Variants in ART3 observed in about 807,000 individuals in gnomAD.
The protein encoded by ART3 is ADP-ribosyltransferase 3 (inactive).
In ART3, 49 loss-of-function variants were observed where a neutral mutation model predicts 48.5. That is an observed-to-expected ratio of 1.01 (90% CI 0.80 to 1.28). The LOEUF (loss-of-function observed/expected upper bound fraction) is 1.28, where lower values mean the gene tolerates loss of function less well. ART3 is among the 50% of genes most tolerant of loss of function. ART3 has a pLI of 0.00. For synonymous variants in ART3, 145 were observed against 157.2 expected (o/e 0.92, Z 0.58); for missense variants, 438 against 454.3 (o/e 0.96, Z 0.33).
rs757129790 is a variant in ART3 at position 76,082,470 on chromosome 4, G to C, written c.716G>C (p.Gly239Ala). The C allele has an allele frequency of 1.2e-6, 2 of 1,612,280 alleles. No homozygotes were observed. The highest frequency in any genetic ancestry group is 8.5e-7 in the Non-Finnish European group (1 of 1,179,514). Residue 239 changes from glycine to alanine, a missense_variant, in exon 3 of 12, where the codon GGC (glycine) becomes GCC (alanine). Gly to Ala is a moderately conservative substitution (Grantham distance 60). Transcript: ENST00000355810. Reference protein sequence around the residue: ...EVFQVSQEGAGNNLILQSINK... With the variant: ...EVFQVSQEGAANNLILQSINK... ...TTTCAAGTGTCACAGGAGGGGGCTG[G>C]CAATAACCTTATCCTTCAAAGCATA...
chr4:76,031,703 G>A (rs1733884247), intron 1 of ART3, among the ~76,000 whole-genome samples: 1 of 152,142 alleles, frequency 6.6e-6, no homozygotes, highest in Non-Finnish European at 1.5e-5. Flanking sequence ...TCATTCCTCT[G>A]CTGTAAATTC....
At chr4:76,026,444 T>C (rs1733394032) in intron 1 of ART3, among the ~76,000 whole-genome samples, 1 of 152,244 alleles carries the variant, frequency 6.6e-6, no homozygotes, top group Non-Finnish European at 1.5e-5. Flanking sequence ...AGTGACAGCA[T>C]ACCAGGATTG....
rs567129006 is a variant in ART3, at chr4:76,040,454, A to G, written c.-10+29134A>G. 1.5e-3 allele frequency among the ~76,000 whole-genome samples: 215 copies of G among 145,412 alleles called. 1 individual carries two copies. Among genetic ancestry groups the G allele is most frequent in the African/African-American group, 5.2e-3 (203 of 39,300 alleles). Reference sequence around the variant, plus strand: ...ACACTGGATACACACACACACACACACACACACACACACACACACACACAC... The same window carrying G: ...ACACTGGATACACACACACACACACGCACACACACACACACACACACACAC... On this transcript the variant is annotated intron_variant, in intron 1 of 9. Coordinates refer to the ART3 transcript ENST00000341029.
At chr4:76,103,461 G>A (rs942561849) in intron 8 of ART3, among the ~76,000 whole-genome samples, 3 of 151,946 alleles carry the variant, frequency 2.0e-5, no homozygotes, top group African/African-American at 4.8e-5. Context: ...TTTTCGCTCC[G>A]TGCAGTGTAC....
chr4:76,095,235 C>G (rs1184756661), intron 3 of ART3, among the ~76,000 whole-genome samples: 1 of 152,146 alleles, frequency 6.6e-6, no homozygotes, highest in African/African-American at 2.4e-5. Context: ...GAGGCCAGTA[C>G]AGTGGCTCAT....
chr4:76,100,948 T>A, intron 7 of ART3, 42 bp from the exon 8 acceptor site: 1 of 1,609,502 alleles, frequency 6.2e-7, no homozygotes, highest in Non-Finnish European at 8.5e-7. Context: ...CCAATTCTTT[T>A]GTTCCATTGT....
chr4:76,055,170 C>T (rs1718564747), intron 1 of ART3, among the ~76,000 whole-genome samples: 1 of 152,188 alleles, frequency 6.6e-6, no homozygotes, highest in Admixed American at 6.5e-5. Context: ...CCTGTTCTTA[C>T]TTTCAGTATG....
intron 3 of ART3, among the ~76,000 whole-genome samples, chr4:76,094,453 G>T (rs1192268379): frequency 1.3e-5 from 2 of 152,170 alleles, no homozygotes; most frequent in Non-Finnish European, 2.9e-5. Context: ...ACCTTGTTGT[G>T]TGCATGGTAA....
At chr4:76,093,067 C>T (rs543289349) in intron 3 of ART3, among the ~76,000 whole-genome samples, 2 of 152,248 alleles carry the variant, frequency 1.3e-5, no homozygotes, top group South Asian at 4.1e-4. Context: ...CTTTTTCCAG[C>T]TTCCAGAGGT....
intron 3 of ART3, among the ~76,000 whole-genome samples, chr4:76,087,612 C>T (rs973180892): frequency 2.6e-5 from 4 of 152,000 alleles, no homozygotes. Flanking sequence ...AAACATAGTC[C>T]CACAATGTTT....
At chr4:76,021,654 G>A (rs1732825750) in intron 1 of ART3, 1 of 403,554 alleles carries the variant, frequency 2.5e-6, no homozygotes, top group Non-Finnish European at 4.4e-6. Context: ...TTGAAGCAGG[G>A]TCAGAACATC....
At chr4:76,105,421 G>A (rs1445895048) in intron 10 of ART3, 1 of 1,124,868 alleles carries the variant, frequency 8.9e-7, no homozygotes, top group Non-Finnish European at 1.2e-6. Flanking sequence ...GGACTGATGA[G>A]ATAAAGTACC....
chr4:76,015,562 C>T (rs1732180748), intron 1 of ART3, among the ~76,000 whole-genome samples: 1 of 152,170 alleles, frequency 6.6e-6, no homozygotes, highest in Admixed American at 6.5e-5. Context: ...GTAAAACCTT[C>T]CTTATCAGTA....
chr4:76,043,768 G>T (rs1347292390), intron 1 of ART3, among the ~76,000 whole-genome samples: 9 of 150,264 alleles, frequency 6.0e-5, no homozygotes, highest in Non-Finnish European at 8.9e-5. Context: ...CTCCTCAAGT[G>T]CCGCCAAAGT....
Position 76,097,726 on chromosome 4 carries a change from C to T in ART3, c.814+50C>T, listed in dbSNP as rs781245737. On this transcript the variant is annotated intron_variant, in intron 4 of 11. Transcript: ENST00000355810. Reference sequence around the variant, plus strand: ...CCTATAATAGGAATTTTATCAGTTACTTCTCATAGCTATGGGTCAGAGCTA... The same window carrying T: ...CCTATAATAGGAATTTTATCAGTTATTTCTCATAGCTATGGGTCAGAGCTA... 5.5e-6 allele frequency: 8 copies of T among 1,446,102 alleles called. No homozygotes were observed. In the South Asian group the frequency reaches 6.9e-5, roughly 13 times the overall value. The allele number at this position is 1,446,102 out of a possible 1,614,324, so 89.6% of individuals were successfully genotyped here.
rs769052796 is a variant in ART3 at position 76,075,899 on chromosome 4, G to T, written c.10G>T (p.Gly4Ter). 1 of 1,612,176 alleles carries T rather than the reference G, an allele frequency of 6.2e-7. No individual in the cohort carries two copies. The highest frequency in any genetic ancestry group is 2.2e-5 in the East Asian group (1 of 44,838). ...AATTTAGAAGAGAAAAATGAAGACG[G>T]GACATTTTGAAATAGTCACCATGCT... MKT[G>*]HFEIVTMLLA... Residue 4 changes from glycine to a stop codon, truncating the protein, a stop_gained, in exon 2 of 12, where the codon GGA becomes TGA. Transcript: ENST00000355810. LOFTEE classifies it high-confidence loss of function.
chr4:76,044,891 C>T (rs1312235264), intron 1 of ART3, among the ~76,000 whole-genome samples: 1 of 152,102 alleles, frequency 6.6e-6, no homozygotes, highest in Non-Finnish European at 1.5e-5. Flanking sequence ...TGCAATAACT[C>T]CATAACTTCC....
At chr4:76,047,468 A>T (rs4276310) in intron 1 of ART3, among the ~76,000 whole-genome samples, 89,696 of 151,684 alleles carry the variant, frequency 0.59, 27,672 homozygotes, top group East Asian at 0.94. Context: ...TTCAGGTGAC[A>T]GGGGAGTATA....
In ART3 at chr4:76,089,605, T is replaced by G. The variant is rs569267417; in HGVS notation, c.781+7070T>G. 1.5e-3 allele frequency among the ~76,000 whole-genome samples: 235 copies of G among 152,300 alleles called. 1 individual carries two copies. Among genetic ancestry groups the G allele is most frequent in the Middle Eastern group, 0.01 (3 of 294 alleles). On this transcript the variant is annotated intron_variant, in intron 3 of 11. Coordinates refer to ENST00000355810, the MANE Select transcript of ART3 (RefSeq NM_001130016.3). ...CGAATCATGAGCCAATCAAAACTCC[T>G]TTCTTTATAAATTACCCAGTCTCAG...
Sources: allele counts gnomAD v4.1 joint callset (sites outside exome capture counted in the v4.1 genomes callset), GRCh38; gene constraint gnomAD v4.1.1; transcripts MANE v1.5; gene names NCBI Gene and HGNC (gene_info 2026-07-23, HGNC 2026-07-21).